Variants in ATP10B observed in about 807,000 individuals in gnomAD.
The protein encoded by ATP10B is phospholipid-transporting ATPase VB.
Under a neutral mutation model 141.2 loss-of-function variants are expected in ATP10B, and 122 were observed. The ratio of observed to expected loss-of-function variants is 0.86; its 90% confidence interval spans 0.75 to 1.00. The LOEUF is 1.00. Among genes scored for constraint, ATP10B ranks in the 50% least tolerant of loss-of-function variants. The pLI is 0.00. For synonymous variants in ATP10B, 685 were observed against 692.0 expected (o/e 0.99, Z 0.16); for missense variants, 1,876 against 1,825.3 (o/e 1.03, Z -0.51).
intron 22 of ATP10B, among the ~76,000 whole-genome samples, chr5:160,593,521 C>T (rs1756468631): frequency 6.6e-6 from 1 of 152,242 alleles, no homozygotes; most frequent in Non-Finnish European, 1.5e-5. Flanking sequence ...CTCTCCTCCT[C>T]CAAAGGAACG....
At chr5:160,640,381 C>A in intron 10 of ATP10B, 80 bp downstream of exon 10, 1 of 1,524,992 alleles carries the variant, frequency 6.6e-7, no homozygotes, top group South Asian at 1.2e-5. Flanking sequence ...ATTAGCCCTA[C>A]TTTATAAATG....
chr5:160,689,172 T>A (rs751494130), intron 3 of ATP10B, among the ~76,000 whole-genome samples: 12 of 152,210 alleles, frequency 7.9e-5, no homozygotes, highest in South Asian at 2.1e-4. Context: ...TTGATAAAAT[T>A]CAACACCCTT....
intron 13 of ATP10B, among the ~76,000 whole-genome samples, chr5:160,628,437 G>A (rs1189276498): frequency 6.6e-6 from 1 of 152,244 alleles, no homozygotes; most frequent in Admixed American, 6.5e-5. Flanking sequence ...TACAGTGGGA[G>A]TGTGTGTATG....
At chr5:160,759,827 G>T (rs193294078) in intron 2 of ATP10B, among the ~76,000 whole-genome samples, 2 of 152,200 alleles carry the variant, frequency 1.3e-5, no homozygotes, top group African/African-American at 4.8e-5. Context: ...TCTGAATTTT[G>T]TACCTATTTT....
intron 24 of ATP10B, among the ~76,000 whole-genome samples, chr5:160,583,418 T>C (rs1253176976): frequency 1.3e-5 from 2 of 152,190 alleles, no homozygotes; most frequent in Non-Finnish European, 2.9e-5. Flanking sequence ...ACAGCAAAGA[T>C]TGCTGCCTGT....
At chr5:160,654,223 CCA>C (rs1321959963) in intron 7 of ATP10B, among the ~76,000 whole-genome samples, 1 of 151,750 alleles carries the variant, frequency 6.6e-6, no homozygotes, top group Non-Finnish European at 1.5e-5. Flanking sequence ...CCTCAACCTC[CCA>C]CAGTGCTGGG....
the ATP10B span, among the ~76,000 whole-genome samples, chr5:160,868,144 C>T: frequency 1.3e-5 from 2 of 152,112 alleles, no homozygotes; most frequent in Admixed American, 1.3e-4. Flanking sequence ...AACCAACAGC[C>T]TTTCTGCATC....
intron 1 of ATP10B, among the ~76,000 whole-genome samples, chr5:160,850,243 TAAAAAAC>T (rs1185786379): frequency 4.7e-4 from 72 of 151,976 alleles, no homozygotes; most frequent in South Asian, 4.4e-3. Context: ...CCGTCTCTAC[TAAAAAAC>T]AAAAAACAAA....
chr5:160,783,086 A>G (rs1581523312), intron 2 of ATP10B, among the ~76,000 whole-genome samples: 2 of 151,940 alleles, frequency 1.3e-5, no homozygotes, highest in African/African-American at 2.4e-5. Flanking sequence ...TAAGTTCTTT[A>G]GTGGTGATTT....
intron 22 of ATP10B, 140 bp downstream of exon 22, chr5:160,598,630 C>A (rs951444129): frequency 2.6e-6 from 2 of 769,930 alleles, no homozygotes; most frequent in African/African-American, 1.7e-5. Flanking sequence ...AGAGGAGTTA[C>A]TCAAAGTAAA....
At chr5:160,876,625 T>C in the ATP10B span, among the ~76,000 whole-genome samples, 1 of 151,556 alleles carries the variant, frequency 6.6e-6, no homozygotes, top group Admixed American at 6.6e-5. Flanking sequence ...TCAACAAAAT[T>C]GATAGACTGC....
At chr5:160,597,071 G>A (rs1284702939) in intron 22 of ATP10B, among the ~76,000 whole-genome samples, 2 of 152,100 alleles carry the variant, frequency 1.3e-5, no homozygotes, top group African/African-American at 4.8e-5. Context: ...AGCCAAAAAA[G>A]AGCCCGCATT....
the ATP10B span, among the ~76,000 whole-genome samples, chr5:160,869,380 G>A: frequency 2.6e-5 from 4 of 151,544 alleles, no homozygotes; most frequent in African/African-American, 7.3e-5. Context: ...GCTAAGTATA[G>A]CTAAACATAA....
chr5:160,784,337 A>C (rs77779933), intron 2 of ATP10B, among the ~76,000 whole-genome samples: 2,364 of 152,276 alleles, frequency 0.016, 55 homozygotes, highest in African/African-American at 0.054. Flanking sequence ...AGAATGAACT[A>C]CTGCAGGTAA....
the ATP10B span, among the ~76,000 whole-genome samples, chr5:160,883,927 C>G: frequency 1.3e-5 from 2 of 152,138 alleles, no homozygotes; most frequent in Admixed American, 1.3e-4. Flanking sequence ...TGCTACTTTT[C>G]TTTTCCCTTA....
At chr5:160,809,411 T>A (rs1186726574) in intron 1 of ATP10B, among the ~76,000 whole-genome samples, 2 of 152,146 alleles carry the variant, frequency 1.3e-5, no homozygotes, top group African/African-American at 4.8e-5. Context: ...TTTTTCTACT[T>A]GACACGTAAT....
At chr5:160,844,146 C>T (rs1199211853) in intron 1 of ATP10B, among the ~76,000 whole-genome samples, 1 of 152,108 alleles carries the variant, frequency 6.6e-6, no homozygotes, top group Non-Finnish European at 1.5e-5. Context: ...AACTGTTTAG[C>T]AGTATCAGTT....
intron 13 of ATP10B, among the ~76,000 whole-genome samples, chr5:160,628,539 A>T (rs893478312): frequency 6.6e-6 from 1 of 152,030 alleles, no homozygotes; most frequent in Non-Finnish European, 1.5e-5. Context: ...GAAAGGAGGC[A>T]GAGGTCCAAT....
the ATP10B span, among the ~76,000 whole-genome samples, chr5:160,908,674 G>A: frequency 5.9e-5 from 9 of 152,178 alleles, no homozygotes; most frequent in Non-Finnish European, 1.0e-4. Flanking sequence ...GAAAGGCATG[G>A]AGGCTGAAAG....
Sources: gnomAD v4.1 joint callset for allele counts (sites outside exome capture counted in the v4.1 genomes callset) on GRCh38, gnomAD v4.1.1 for gene constraint, MANE v1.5 for transcripts, NCBI Gene and HGNC (gene_info 2026-07-23, HGNC 2026-07-21) for gene names.